The following ACTN1 variants were observed in gnomAD, a reference collection of about 807,000 sequenced individuals.
The protein encoded by ACTN1 is alpha-actinin-1.
ACTN1 carries 30 observed loss-of-function variants against 119.6 expected under a neutral mutation model. That is an observed-to-expected ratio of 0.25 (90% CI 0.19 to 0.34). The LOEUF (loss-of-function observed/expected upper bound fraction) is 0.34. Among genes scored for constraint, ACTN1 ranks in the 10% least tolerant of loss-of-function variants. The pLI is 1.00. For missense variants in ACTN1, 764 were observed against 1,223.4 expected (o/e 0.62, Z 5.60); for synonymous variants, 429 against 472.6 (o/e 0.91, Z 1.20).
intron 14 of ACTN1, chr14:68,883,387 C>A: frequency 3.7e-6 from 1 of 269,318 alleles, no homozygotes; most frequent in Non-Finnish European, 7.1e-6. Context: ...CCTGGCAAAA[C>A]CTTTTAAATC....
chr14:68,967,436 A>G (rs886954031), intron 1 of ACTN1, among the ~76,000 whole-genome samples: 2 of 152,194 alleles, frequency 1.3e-5, no homozygotes, highest in Non-Finnish European at 2.9e-5. Context: ...TGAGCTCATC[A>G]GGGAGCTCCT....
chr14:68,881,751 AATTCT>A (rs1228256774), intron 16 of ACTN1, among the ~76,000 whole-genome samples: 1 of 151,864 alleles, frequency 6.6e-6, no homozygotes, highest in Non-Finnish European at 1.5e-5. Context: ...TTCAGAAAAA[AATTCT>A]ATGCTCTACT....
In ACTN1 at chr14:68,925,500, C is replaced by A; in HGVS notation, c.220+58G>T. 1 of 1,437,294 alleles carries A rather than the reference C, an allele frequency of 7.0e-7. No homozygotes were observed. The highest frequency in any genetic ancestry group is 9.6e-7 in the Non-Finnish European group (1 of 1,042,612). 89.0% of individuals were successfully genotyped at this position (1,437,294 alleles called of 1,614,324 possible). A position where few individuals can be genotyped will look rare whatever the true frequency, so the allele number is the denominator to read the frequency against. On this transcript the variant is annotated intron_variant, in intron 2 of 21. Coordinates refer to ENST00000394419, the MANE Select transcript of ACTN1 (RefSeq NM_001130004.2). This position sits in a 1 kb window ranked among gnomAD's most constrained non-coding sequence, Gnocchi z 4.3. The stretch of plus-strand genomic sequence containing the variant: ...CTGCGCTCATAGGCAGAGCAGATGC[C>A]AAGGTGTCAGGCAGCACCAATAGAC...
At chr14:68,894,365 A>G (rs1354026879) in intron 8 of ACTN1, among the ~76,000 whole-genome samples, 1 of 152,208 alleles carries the variant, frequency 6.6e-6, no homozygotes, top group Non-Finnish European at 1.5e-5. Context: ...ATGCCCAGCA[A>G]ACCCAGCACA....
Position 68,882,942 on chromosome 14 carries a change from G to A in ACTN1, c.1749C>T (p.His583=), listed in dbSNP as rs760876057. 1 of 1,613,922 alleles carries A rather than the reference G, an allele frequency of 6.2e-7. No homozygotes were observed. The highest frequency in any genetic ancestry group is 1.3e-5 in the African/African-American group (1 of 74,864). The change falls in exon 15 of 22, where the codon CAC becomes CAT. Residue 583 remains histidine, a synonymous_variant. Coordinates refer to ENST00000394419, the MANE Select transcript of ACTN1 (RefSeq NM_001130004.2). The surrounding 1 kb of genome is among the most constrained non-coding windows in gnomAD (Gnocchi z 4.5). ...NEVSKIVQTY[H]VNMAGTNPYT... ...AGGGGTTGGTGCCCGCCATATTGAC[G>A]TGGTAGGTCTGGACAATCTTGGACA... is the stretch of plus-strand genomic sequence containing the variant.
intron 11 of ACTN1, among the ~76,000 whole-genome samples, chr14:68,889,019 G>A (rs1389669529): frequency 6.6e-6 from 1 of 152,026 alleles, no homozygotes; most frequent in Non-Finnish European, 1.5e-5. Context: ...TACAAAACAG[G>A]GCTGACTGGG....
At chr14:68,959,465 G>C (rs1258677531) in intron 1 of ACTN1, among the ~76,000 whole-genome samples, 1 of 152,120 alleles carries the variant, frequency 6.6e-6, no homozygotes. Flanking sequence ...CCCCTTTCTC[G>C]TGAACTGGTA....
At chr14:68,932,539 T>TTTA (rs71102619) in intron 1 of ACTN1, among the ~76,000 whole-genome samples, 6,360 of 117,168 alleles carry the variant, frequency 0.054, 399 homozygotes, top group East Asian at 0.13. Flanking sequence ...TTTTTTTTTT[T>TTTA]AATTTTTCTT....
At chr14:68,912,989 G>A (rs1431061284) in intron 3 of ACTN1, among the ~76,000 whole-genome samples, 1 of 152,188 alleles carries the variant, frequency 6.6e-6, no homozygotes, top group African/African-American at 2.4e-5. Context: ...TTAAAGTTTT[G>A]TAAATTGCCA....
intron 3 of ACTN1, among the ~76,000 whole-genome samples, chr14:68,920,592 T>G (rs2034586712): frequency 1.3e-5 from 2 of 152,114 alleles, no homozygotes; most frequent in South Asian, 4.1e-4. Context: ...ACTTCAGTCT[T>G]CCCAGGGCCC....
intron 1 of ACTN1, among the ~76,000 whole-genome samples, chr14:68,958,349 C>G (rs907357545): frequency 3.0e-4 from 45 of 152,116 alleles, no homozygotes; most frequent in African/African-American, 1.1e-3. Flanking sequence ...GAGGCTCAAA[C>G]CCCTGCCTGA....
At chr14:68,905,982 CAA>C (rs755762604) in intron 6 of ACTN1, among the ~76,000 whole-genome samples, 7 of 96,064 alleles carry the variant, frequency 7.3e-5, no homozygotes, top group Admixed American at 2.4e-4. Context: ...GACCTCGTCT[CAA>C]AAAAAAAAAA....
chr14:68,893,850 G>C, intron 8 of ACTN1, 103 bp from the exon 9 acceptor site: 2 of 1,077,956 alleles, frequency 1.9e-6, no homozygotes, highest in South Asian at 1.4e-5. Flanking sequence ...GCAGCTCCCT[G>C]TGGTTGGAAG....
chr14:68,936,518 T>G, intron 1 of ACTN1: 1 of 276,924 alleles, frequency 3.6e-6, no homozygotes, highest in Non-Finnish European at 7.0e-6. Flanking sequence ...TTTTTTTAAG[T>G]ATGCAAATAA....
At chr14:68,933,216 A>C (rs2035314790) in intron 1 of ACTN1, among the ~76,000 whole-genome samples, 1 of 151,998 alleles carries the variant, frequency 6.6e-6, no homozygotes, top group African/African-American at 2.4e-5. Context: ...TCACTGCAAC[A>C]TCTGCCTCAG....
intron 1 of ACTN1, among the ~76,000 whole-genome samples, chr14:68,951,567 C>A (rs1594864085): frequency 1.3e-5 from 2 of 152,202 alleles, no homozygotes; most frequent in African/African-American, 4.8e-5. Flanking sequence ...TAGCTGTGTG[C>A]CCTTGACTCC....
chr14:68,934,832 C>A (rs1201180334), intron 1 of ACTN1, among the ~76,000 whole-genome samples: 1 of 151,840 alleles, frequency 6.6e-6, no homozygotes, highest in East Asian at 1.9e-4. Context: ...ATATAATTAA[C>A]CAAAAAAAGC....
intron 1 of ACTN1, among the ~76,000 whole-genome samples, chr14:68,944,716 A>C (rs2035877930): frequency 6.6e-6 from 1 of 152,162 alleles, no homozygotes; most frequent in Non-Finnish European, 1.5e-5. Context: ...CAGTGAATCT[A>C]TAAGGCTGGG....
At chr14:68,954,888 T>C (rs904957650) in intron 1 of ACTN1, among the ~76,000 whole-genome samples, 4 of 152,226 alleles carry the variant, frequency 2.6e-5, no homozygotes, top group African/African-American at 7.2e-5. Flanking sequence ...TTGCTTTGAC[T>C]GGAAGATTTT....
Sources: gnomAD v4.1 joint callset for allele counts (sites outside exome capture counted in the v4.1 genomes callset) on GRCh38, gnomAD v4.1.1 for gene constraint, Gnocchi (gnomAD v3.1) non-coding constraint, MANE v1.5 for transcripts, NCBI Gene and HGNC (gene_info 2026-07-23, HGNC 2026-07-21) for gene names.